The following SPATS1 variants were observed in gnomAD, a reference collection of about 807,000 sequenced individuals.
SPATS1 encodes the protein spermatogenesis-associated serine-rich protein 1.
Under a neutral mutation model 33.6 loss-of-function variants are expected in SPATS1, and 23 were observed. The ratio of observed to expected loss-of-function variants is 0.68; its 90% CI spans 0.49 to 0.97. The LOEUF is 0.97. Ranked by LOEUF, SPATS1 falls within the 50% of genes least tolerant of loss-of-function variation. SPATS1 has a pLI of 0.00. For missense variants in SPATS1, 327 were observed against 361.0 expected (o/e 0.91, Z 0.76); for synonymous variants, 131 against 125.6 (o/e 1.04, Z -0.29).
intron 1 of SPATS1, 40 bp downstream of exon 1, chr6:44,342,808 G>A: frequency 1.3e-6 from 1 of 798,166 alleles, no homozygotes; most frequent in African/African-American, 1.7e-5. Context: ...GGCCTCCCCT[G>A]GGGAAGGGGG....
At chr6:44,346,983 A>T (rs1583076486) in intron 2 of SPATS1, among the ~76,000 whole-genome samples, 1 of 152,258 alleles carries the variant, frequency 6.6e-6, no homozygotes, top group South Asian at 2.1e-4. Context: ...CCAAATGTCC[A>T]TCAATGATAG....
rs1351087337 is a variant in SPATS1 at position 44,370,034 on chromosome 6, C to T, written c.696-17C>T. 6.2e-7 allele frequency: 1 copy of T among 1,602,610 alleles called. No homozygotes were observed. The highest frequency in any genetic ancestry group is 2.2e-5 in the East Asian group (1 of 44,808). ...AGATGGCATACCAGTTTTATGATTGCCTTTTCTGTTTTTCAGAGTGCCTTA... is the reference window on the plus strand; with the variant it reads ...AGATGGCATACCAGTTTTATGATTGTCTTTTCTGTTTTTCAGAGTGCCTTA... On this transcript the variant is annotated splice_polypyrimidine_tract_variant and intron_variant, in intron 6 of 8. Coordinates refer to ENST00000674044, the MANE Select transcript of SPATS1 (RefSeq NM_001372081.1).
chr6:44,375,660 A>C (rs1420803598), intron 7 of SPATS1, among the ~76,000 whole-genome samples: 2 of 152,108 alleles, frequency 1.3e-5, no homozygotes, highest in African/African-American at 4.8e-5. Context: ...AAATACAAAA[A>C]TTAGCTGGGC....
intron 2 of SPATS1, among the ~76,000 whole-genome samples, chr6:44,349,943 T>C (rs2153365527): frequency 6.6e-6 from 1 of 152,302 alleles, no homozygotes; most frequent in Non-Finnish European, 1.5e-5. Context: ...GTTTTGTGGC[T>C]TGGTATATGG....
chr6:44,343,726 A>AG (rs1473097304), intron 2 of SPATS1, among the ~76,000 whole-genome samples: 1 of 152,196 alleles, frequency 6.6e-6, no homozygotes, highest in Non-Finnish European at 1.5e-5. Flanking sequence ...TAGCTCCATA[A>AG]TTGGTTAAGG....
chr6:44,350,277 T>C (rs1788156351), intron 2 of SPATS1, among the ~76,000 whole-genome samples: 1 of 152,048 alleles, frequency 6.6e-6, no homozygotes, highest in African/African-American at 2.4e-5. Context: ...TTCTGTGCAG[T>C]TGGGAATCTG....
chr6:44,371,624 C>T (rs1789617282), intron 7 of SPATS1, among the ~76,000 whole-genome samples: 1 of 152,058 alleles, frequency 6.6e-6, no homozygotes. Flanking sequence ...TCCTTAAATA[C>T]TTGGACATAG....
In SPATS1 at chr6:44,361,919, T is replaced by C. The variant is rs1182845175; in HGVS notation, c.501T>C (p.Asn167=). The stretch of plus-strand genomic sequence containing the variant: ...ACGTCGGAAAGCAGTGCTTCTTTAA[T>C]GGAGTCTTCCTCGGCAACAAGAGGT... ...TYHVGKQCFF[N]GVFLGNKRSL... Residue 167 remains asparagine (N), a synonymous_variant, in exon 5 of 9, where the codon AAT becomes AAC. Coordinates refer to ENST00000674044, the MANE Select transcript of SPATS1 (RefSeq NM_001372081.1). 20 of 1,614,248 alleles carry C rather than the reference T, an allele frequency of 1.2e-5. No individual in the cohort carries two copies. The highest frequency in any genetic ancestry group is 1.7e-5 in the Non-Finnish European group (20 of 1,180,046).
chr6:44,363,105 G>A (rs1293598680), intron 5 of SPATS1, among the ~76,000 whole-genome samples: 1 of 151,722 alleles, frequency 6.6e-6, no homozygotes, highest in Non-Finnish European at 1.5e-5. Context: ...CCAAAGTGCT[G>A]GGATTACAGG....
chr6:44,378,951 C>T lies in SPATS1; in HGVS notation c.*1888C>T, dbSNP rs1790087489. ...CCCCTGGGTCACAGGCCCACCCCTGCTCCCAACATAATAATTTAAAAAAAC... is the reference window on the plus strand; with the variant it reads ...CCCCTGGGTCACAGGCCCACCCCTGTTCCCAACATAATAATTTAAAAAAAC... On this transcript the variant is annotated 3_prime_UTR_variant, in exon 9 of 9. Coordinates refer to ENST00000674044, the MANE Select transcript of SPATS1 (RefSeq NM_001372081.1). 1.3e-5 allele frequency: 2 copies of T among 152,046 alleles called. No homozygotes were observed. The highest frequency in any genetic ancestry group is 4.2e-4 in the South Asian group (2 of 4,816). The allele number at this position is 152,046 out of a possible 1,614,324, so 9.4% of individuals were successfully genotyped here. A position where few individuals can be genotyped will look rare whatever the true frequency, so the allele number is the denominator to read the frequency against.
chr6:44,344,114 T>A (rs1288844157), intron 2 of SPATS1, among the ~76,000 whole-genome samples: 12 of 152,088 alleles, frequency 7.9e-5, no homozygotes, highest in Non-Finnish European at 2.9e-5. Flanking sequence ...GAGAAAAGGG[T>A]TCTGGGATTC....
intron 3 of SPATS1, among the ~76,000 whole-genome samples, chr6:44,355,982 C>T (rs1461204259): frequency 6.6e-6 from 1 of 152,150 alleles, no homozygotes; most frequent in African/African-American, 2.4e-5. Flanking sequence ...TACGGAGGAC[C>T]TAACTCAGTC....
intron 7 of SPATS1, among the ~76,000 whole-genome samples, chr6:44,376,032 C>T (rs929743770): frequency 5.3e-5 from 8 of 150,196 alleles, no homozygotes; most frequent in Admixed American, 1.3e-4. Flanking sequence ...CTTGAATCTG[C>T]GAGGCGGAGG....
At chr6:44,365,315 G>T (rs1234460221) in intron 5 of SPATS1, among the ~76,000 whole-genome samples, 2 of 152,230 alleles carry the variant, frequency 1.3e-5, no homozygotes, top group African/African-American at 4.8e-5. Context: ...GTAGGTGGTA[G>T]GGAAATAGAT....
chr6:44,377,322 A>G lies in SPATS1; in HGVS notation c.*259A>G, dbSNP rs1456292391. ...TTGTTCAAACTTTCTCTCTCTCACA[A>G]TATTACAGTTACCATTTTGCTGAAC... On this transcript the variant is annotated 3_prime_UTR_variant, in exon 9 of 9. Transcript: ENST00000674044. 9.2e-6 allele frequency: 5 copies of G among 544,176 alleles called. No homozygotes were observed. Among genetic ancestry groups the G allele is most frequent in the African/African-American group, 7.6e-5 (4 of 52,742 alleles). The allele number at this position is 544,176 out of a possible 1,614,324, so 33.7% of individuals were successfully genotyped here.
intron 3 of SPATS1, among the ~76,000 whole-genome samples, chr6:44,353,152 C>G (rs1489788123): frequency 6.6e-6 from 1 of 152,204 alleles, no homozygotes; most frequent in Non-Finnish European, 1.5e-5. Context: ...GCTTAGAAGA[C>G]TTCCTGGCAC....
intron 2 of SPATS1, among the ~76,000 whole-genome samples, chr6:44,350,539 G>T (rs1788172268): frequency 6.6e-6 from 1 of 152,232 alleles, no homozygotes; most frequent in Non-Finnish European, 1.5e-5. Context: ...AGAAGCCCCA[G>T]AGTGGGAGGA....
intron 5 of SPATS1, among the ~76,000 whole-genome samples, chr6:44,362,842 C>A (rs1017963665): frequency 6.9e-6 from 1 of 145,970 alleles, no homozygotes; most frequent in Non-Finnish European, 1.5e-5. Context: ...GCACCTTGCA[C>A]TTTTTTTTTT....
chr6:44,361,691 A>G (rs1788930271), intron 4 of SPATS1, 140 bp from the exon 5 acceptor site: 1 of 1,255,130 alleles, frequency 8.0e-7, no homozygotes, highest in African/African-American at 1.5e-5. Context: ...ACTGTCTCTG[A>G]TGTAGAACCA....
Sources: gnomAD v4.1 joint callset for allele counts (sites outside exome capture counted in the v4.1 genomes callset) on GRCh38, gnomAD v4.1.1 for gene constraint, MANE v1.5 for transcripts, NCBI Gene and HGNC (gene_info 2026-07-23, HGNC 2026-07-21) for gene names.